MDN1: variants seen among roughly 807,000 people sequenced by gnomAD.
MDN1 encodes the protein midasin AAA ATPase 1, also known as midasin.
A neutral mutation model predicts 669.2 loss-of-function variants in MDN1; 266 were observed. The ratio of observed to expected loss-of-function variants is 0.40; its 90% CI spans 0.36 to 0.44. MDN1 has a LOEUF of 0.44. Ranked by LOEUF, MDN1 falls within the 20% of genes least tolerant of loss-of-function variation. The probability of loss-of-function intolerance (pLI) is 1.00; values close to 1 mark genes in which losing one functional copy is unlikely to be tolerated. For synonymous variants in MDN1, 2,385 were observed against 2,457.1 expected, an observed-to-expected ratio of 0.97 and a Z score of 0.87; for missense variants, 5,940 against 6,754.0, an observed-to-expected ratio of 0.88 and a Z score of 4.22.
intron 5 of MDN1, among the ~76,000 whole-genome samples, chr6:89,792,673 A>T (rs1819342537): frequency 7.3e-6 from 1 of 137,652 alleles, no homozygotes; most frequent in Admixed American, 7.3e-5. Context: ...ATTACATTTT[A>T]ATTTTTTTTT....
chr6:89,777,058 C>T (rs999171706), intron 11 of MDN1, among the ~76,000 whole-genome samples: 1 of 152,142 alleles, frequency 6.6e-6, no homozygotes, highest in African/African-American at 2.4e-5. Flanking sequence ...TATCAAAAGA[C>T]TGCTTTCTAA....
At chr6:89,806,939 T>A (rs977073528) in intron 1 of MDN1, among the ~76,000 whole-genome samples, 2 of 151,956 alleles carry the variant, frequency 1.3e-5, no homozygotes, top group South Asian at 2.1e-4. Context: ...ACATAAAATA[T>A]AAATTTCATT....
intron 13 of MDN1, among the ~76,000 whole-genome samples, chr6:89,773,818 A>G (rs1257057713): frequency 2.0e-5 from 3 of 151,818 alleles, no homozygotes; most frequent in African/African-American, 7.3e-5. Flanking sequence ...TACAAAAATT[A>G]GCTGGGCGTG....
chr6:89,650,895 C>T, intron 95 of MDN1, 48 bp from the exon 96 acceptor site: 1 of 1,512,758 alleles, frequency 6.6e-7, no homozygotes, highest in Non-Finnish European at 9.2e-7. Context: ...TCAGAGCCAA[C>T]CAAGTCTTCT....
In MDN1 at chr6:89,774,660, C is replaced by T. The variant is rs776633493; in HGVS notation, c.1895G>A (p.Arg632Gln). The change falls in exon 13 of 102, where the codon CGG becomes CAG. Residue 632 changes from arginine to glutamine, a missense_variant. Coordinates refer to ENST00000369393, the MANE Select transcript of MDN1 (RefSeq NM_014611.3). ...AGCCTCACTTTGTTTCCGTAGAAGC[C>T]GCACTCGACCCACTTGCAAATCTAG... ...NELDLQVGRV[R>Q]LLRKQSEAVH... 5.6e-6 allele frequency: 9 copies of T among 1,613,672 alleles called. No individual in the cohort carries two copies. The highest frequency in any genetic ancestry group is 1.7e-4 in the Middle Eastern group (1 of 6,054).
At chr6:89,699,970 T>C (rs1003565791) in intron 57 of MDN1, 93 bp downstream of exon 57, 6 of 1,271,288 alleles carry the variant, frequency 4.7e-6, no homozygotes, top group African/African-American at 1.5e-5. Context: ...TAACCATCCC[T>C]ATCAAGTCTG....
At chr6:89,790,530 T>G in intron 5 of MDN1, 129 bp from the exon 6 acceptor site, 1 of 1,107,668 alleles carries the variant, frequency 9.0e-7, no homozygotes, top group Non-Finnish European at 1.3e-6. Flanking sequence ...ACCAAAACTA[T>G]AATAACAACA....
chr6:89,695,936 G>T lies in MDN1; in HGVS notation c.9440C>A (p.Ala3147Glu). 6.2e-7 allele frequency: 1 copy of T among 1,612,292 alleles called. No homozygotes were observed. The highest frequency in any genetic ancestry group is 8.5e-7 in the Non-Finnish European group (1 of 1,179,838). The change falls in exon 61 of 102, where the codon GCA becomes GAA. Residue 3147 changes from alanine to glutamate, a missense_variant. Ala to Glu is a moderately radical substitution (Grantham distance 107, BLOSUM62 -1). Coordinates refer to ENST00000369393, the MANE Select transcript of MDN1 (RefSeq NM_014611.3). This position sits in a 1 kb window ranked among gnomAD's most constrained non-coding sequence, Gnocchi z 4.1. ...CCGCCGGGACTCTGGGAGCAGCTCT[G>T]CTAGGCCTGCCAGGTGCCGGAACAG... ...QVLFRHLAGL[A>E]ELLPESRRQE...
At chr6:89,796,362 AC>A (rs1819612786) in intron 2 of MDN1, among the ~76,000 whole-genome samples, 1 of 149,210 alleles carries the variant, frequency 6.7e-6, no homozygotes, top group Non-Finnish European at 1.5e-5. Context: ...AAAAAAAAAA[AC>A]CAAACACTTT....
rs755464664 is a variant in MDN1, at chr6:89,750,345, T to C, written c.3406+9A>G. 2 of 1,599,766 alleles carry C rather than the reference T, an allele frequency of 1.3e-6. No homozygotes were observed. Among genetic ancestry groups the C allele is most frequent in the East Asian group, 2.2e-5 (1 of 44,532 alleles). On this transcript the variant is annotated intron_variant, in intron 24 of 101. Coordinates refer to ENST00000369393, the MANE Select transcript of MDN1 (RefSeq NM_014611.3). ...CACCTATGTCCATGGAATGGAATCT[T>C]AACCCTACCTTCCTTAAAGACAAGC...
chr6:89,818,060 G>C (rs1354829129), intron 1 of MDN1, among the ~76,000 whole-genome samples: 2 of 152,072 alleles, frequency 1.3e-5, no homozygotes, highest in Admixed American at 6.6e-5. Context: ...GCTCATGCCT[G>C]TAATCCCAGC....
chr6:89,656,816 C>G lies in MDN1; in HGVS notation c.15184-15G>C. On this transcript the variant is annotated splice_polypyrimidine_tract_variant and intron_variant, in intron 90 of 101. Transcript: ENST00000369393. Reference sequence around the variant, plus strand: ...CTTCCGTGTTCCTAGGAAATCCAAGCCACAAAAGAATGAGGTGAAAGAAGC... The same window carrying G: ...CTTCCGTGTTCCTAGGAAATCCAAGGCACAAAAGAATGAGGTGAAAGAAGC... 6.2e-7 allele frequency: 1 copy of G among 1,606,902 alleles called. No individual in the cohort carries two copies. Among genetic ancestry groups the G allele is most frequent in the South Asian group, 1.1e-5 (1 of 90,346 alleles).
chr6:89,724,194 G>A (rs1815042995), intron 38 of MDN1, among the ~76,000 whole-genome samples: 1 of 152,048 alleles, frequency 6.6e-6, no homozygotes, highest in Admixed American at 6.6e-5. Context: ...TATGTATAAT[G>A]TAAAATGCTT....
intron 37 of MDN1, among the ~76,000 whole-genome samples, chr6:89,727,453 A>T (rs1217616508): frequency 6.6e-6 from 1 of 152,148 alleles, no homozygotes; most frequent in South Asian, 2.1e-4. Context: ...TCAGTAGGTC[A>T]TTTTGTATGT....
chr6:89,762,519 A>G lies in MDN1; in HGVS notation c.2156T>C (p.Val719Ala), dbSNP rs1193002110. The stretch of plus-strand genomic sequence containing the variant: ...GGGTAGCCAAATAAGCTTATGGTCC[A>G]CCGGTTTATAACTGAAACAGACACA... The part of the protein sequence containing the change: ...TADLLGGYKP[V>A]DHKLIWLPLR... Residue 719 changes from valine to alanine, a missense_variant, in exon 16 of 102, where the codon GTG (valine) becomes GCG (alanine). Coordinates refer to ENST00000369393, the MANE Select transcript of MDN1 (RefSeq NM_014611.3). 6.2e-7 allele frequency: 1 copy of G among 1,611,722 alleles called. No homozygotes were observed. Among genetic ancestry groups the G allele is most frequent in the African/African-American group, 1.3e-5 (1 of 74,988 alleles).
In MDN1 at chr6:89,642,924, G is replaced by GGTCGCAGACTTCACA. The variant is rs1372883816; in HGVS notation, c.*1066_*1080dup. 6.6e-6 allele frequency: 1 copy of GGTCGCAGACTTCACA among 152,170 alleles called. No individual in the cohort carries two copies. The highest frequency in any genetic ancestry group is 2.4e-5 in the African/African-American group (1 of 41,420). 9.4% of individuals were successfully genotyped at this position (152,170 alleles called of 1,614,324 possible). ...GTGTCTTTGATGACCACCTCAAAAG[G>GGTCGCAGACTTCACA]GTCGCAGACTTCACAGTGTAACTTG... is the stretch of plus-strand genomic sequence containing the variant. On this transcript the variant is annotated 3_prime_UTR_variant, in exon 102 of 102. Coordinates refer to ENST00000369393, the MANE Select transcript of MDN1 (RefSeq NM_014611.3).
chr6:89,804,664 T>A (rs1767893854), intron 1 of MDN1, among the ~76,000 whole-genome samples: 1 of 152,136 alleles, frequency 6.6e-6, no homozygotes, highest in Non-Finnish European at 1.5e-5. Context: ...GATCAAGGCA[T>A]CAGCCTCTAA....
chr6:89,685,767 T>A (rs1291480952), intron 70 of MDN1, 60 bp downstream of exon 70: 1 of 1,574,938 alleles, frequency 6.3e-7, no homozygotes, highest in African/African-American at 1.4e-5. Context: ...ATGCAGAGAA[T>A]TCAAAGCCTA....
At position 89,644,118 on chromosome 6, in the gene MDN1, C is replaced by T. The variant is rs781752816; in HGVS notation, c.16678G>A (p.Glu5560Lys). The T allele has an allele frequency of 9.3e-6, 15 of 1,614,050 alleles. No homozygotes were observed. In the South Asian group the frequency reaches 1.6e-4, roughly 18 times the overall value. Residue 5560 changes from glutamate (E) to lysine (K), a missense_variant, in exon 102 of 102, where the codon GAG becomes AAG. Coordinates refer to ENST00000369393, the MANE Select transcript of MDN1 (RefSeq NM_014611.3). ...ATGATATAGTATGGGAATGGGAACT[C>T]TTCCATGTAGGATCGGATTTCAGGC... ...EMPEIRSYMEEFPFPYYIILR... is the reference protein window; with the variant it reads ...EMPEIRSYMEKFPFPYYIILR...
Sources: allele counts gnomAD v4.1 joint callset (sites outside exome capture counted in the v4.1 genomes callset), GRCh38; gene constraint gnomAD v4.1.1; non-coding constraint Gnocchi (gnomAD v3.1); transcripts MANE v1.5; gene names NCBI Gene and HGNC (gene_info 2026-07-23, HGNC 2026-07-21).